Variants in IGSF11 observed in about 807,000 individuals in gnomAD.
IGSF11 encodes immunoglobulin superfamily member 11.
In IGSF11, 22 loss-of-function variants were observed where a neutral mutation model predicts 41.0. The ratio of observed to expected loss-of-function variants is 0.54; its 90% CI spans 0.38 to 0.77. The LOEUF (loss-of-function observed/expected upper bound fraction) is 0.77. Ranked by LOEUF, IGSF11 falls within the 30% of genes least tolerant of loss-of-function variation. The pLI, the probability that IGSF11 is intolerant of heterozygous loss-of-function variation, is 0.00. For synonymous variants in IGSF11, 219 were observed against 201.3 expected (o/e 1.09, Z -0.74); for missense variants, 444 against 530.8 (o/e 0.84, Z 1.61).
chr3:119,052,446 G>A (rs1042778720), intron 1 of IGSF11, among the ~76,000 whole-genome samples: 1 of 144,970 alleles, frequency 6.9e-6, no homozygotes, highest in African/African-American at 2.5e-5. Context: ...AGGGAGGGAG[G>A]GAGGAAGAGA....
intron 1 of IGSF11, among the ~76,000 whole-genome samples, chr3:119,069,211 A>T (rs1415853446): frequency 6.6e-6 from 1 of 152,136 alleles, no homozygotes; most frequent in Non-Finnish European, 1.5e-5. Flanking sequence ...TACAGGCGTG[A>T]GCCACTGTGC....
At chr3:118,946,549 C>G (rs900907202) in intron 1 of IGSF11, among the ~76,000 whole-genome samples, 61 of 152,092 alleles carry the variant, frequency 4.0e-4, no homozygotes, top group African/African-American at 1.4e-3. Flanking sequence ...TTTCACCTCC[C>G]TTACTATTCC....
Position 118,930,369 on chromosome 3 carries a change from A to G in IGSF11, c.53-94T>C, listed in dbSNP as rs1052446203. On this transcript the variant is annotated intron_variant, in intron 1 of 6. Coordinates refer to ENST00000393775, the MANE Select transcript of IGSF11 (RefSeq NM_001015887.3). ...TTTGCGTGTTTTATGTTATCACATT[A>G]TTATTGATTATGTGAACAGACTGAC... The G allele has an allele frequency of 4.1e-6, 5 of 1,210,528 alleles. No homozygotes were observed. The Admixed American group carries it at 1.0e-4, about 24-fold the overall frequency. The allele number at this position is 1,210,528 out of a possible 1,614,324, so 75.0% of individuals were successfully genotyped here. A position where few individuals can be genotyped will look rare whatever the true frequency, so the allele number is the denominator to read the frequency against.
intron 1 of IGSF11, among the ~76,000 whole-genome samples, chr3:119,023,861 TTCA>T (rs1939560533): frequency 6.6e-6 from 1 of 152,200 alleles, no homozygotes; most frequent in Non-Finnish European, 1.5e-5. Flanking sequence ...GTTCATGGTC[TTCA>T]TCATCATCAG....
At chr3:119,133,886 C>A (rs925524326) in intron 1 of IGSF11, among the ~76,000 whole-genome samples, 1 of 152,170 alleles carries the variant, frequency 6.6e-6, no homozygotes. Context: ...ATCAAGTTGG[C>A]TTCACCCCTG....
intron 1 of IGSF11, among the ~76,000 whole-genome samples, chr3:119,020,839 T>C (rs540698318): frequency 6.6e-6 from 1 of 152,314 alleles, no homozygotes; most frequent in Admixed American, 6.5e-5. Flanking sequence ...TGACAGTAAG[T>C]ATTCCACAAT....
intron 1 of IGSF11, among the ~76,000 whole-genome samples, chr3:119,064,221 A>T (rs910730950): frequency 3.3e-5 from 5 of 152,230 alleles, no homozygotes; most frequent in Admixed American, 6.5e-5. Context: ...TCTGCAGTCC[A>T]TATGGATTTA....
chr3:118,912,439 C>G (rs963460733), intron 4 of IGSF11, among the ~76,000 whole-genome samples: 1 of 152,164 alleles, frequency 6.6e-6, no homozygotes, highest in Non-Finnish European at 1.5e-5. Flanking sequence ...TCAATTGCTG[C>G]AGGACAAATC....
intron 1 of IGSF11, among the ~76,000 whole-genome samples, chr3:119,087,878 C>T (rs1461573699): frequency 6.6e-6 from 1 of 152,072 alleles, no homozygotes; most frequent in East Asian, 1.9e-4. Context: ...GATGCCTTAA[C>T]TATGCTAAAT....
intron 1 of IGSF11, among the ~76,000 whole-genome samples, chr3:118,966,595 C>G (rs1445003836): frequency 1.3e-5 from 2 of 152,150 alleles, no homozygotes; most frequent in Non-Finnish European, 2.9e-5. Flanking sequence ...ACTTTCACCT[C>G]CATATTATGT....
intron 4 of IGSF11, among the ~76,000 whole-genome samples, chr3:118,919,383 A>T (rs1313965096): frequency 1.8e-5 from 2 of 111,762 alleles, no homozygotes; most frequent in African/African-American, 8.0e-5. Flanking sequence ...TAATATCCAG[A>T]ATCTACAATG....
chr3:118,985,382 A>T, intron 1 of IGSF11, among the ~76,000 whole-genome samples: 1 of 152,158 alleles, frequency 6.6e-6, no homozygotes, highest in Non-Finnish European at 1.5e-5. Context: ...TGTCTCTGTC[A>T]CAATGCAAAG....
intron 1 of IGSF11, among the ~76,000 whole-genome samples, chr3:118,987,341 C>T (rs1323536538): frequency 6.6e-6 from 1 of 152,178 alleles, no homozygotes; most frequent in Non-Finnish European, 1.5e-5. Flanking sequence ...GCCTCTCACA[C>T]GACACCCACA....
At chr3:119,013,357 A>G (rs1938346949) in intron 1 of IGSF11, 1 of 152,254 alleles carries the variant, frequency 6.6e-6, no homozygotes, top group Admixed American at 6.5e-5. Flanking sequence ...GATTCCTCAC[A>G]AAACTCACAC....
intron 4 of IGSF11, among the ~76,000 whole-genome samples, chr3:118,905,972 T>A (rs948979737): frequency 2.4e-4 from 37 of 152,308 alleles, no homozygotes; most frequent in Middle Eastern, 6.8e-3. Context: ...GGTAAGCATG[T>A]AAAGTCCTAA....
intron 1 of IGSF11, among the ~76,000 whole-genome samples, chr3:119,055,567 C>T (rs1462872384): frequency 2.6e-5 from 4 of 152,130 alleles, no homozygotes; most frequent in African/African-American, 7.2e-5. Flanking sequence ...AACAACGAGA[C>T]AGAAAGTTAA....
chr3:119,004,036 T>C (rs1295562797), intron 1 of IGSF11, among the ~76,000 whole-genome samples: 1 of 152,028 alleles, frequency 6.6e-6, no homozygotes, highest in Non-Finnish European at 1.5e-5. Flanking sequence ...TCAGAAGGAA[T>C]GGTACCAGTT....
chr3:119,015,446 T>C (rs1938580018), intron 1 of IGSF11, among the ~76,000 whole-genome samples: 1 of 152,190 alleles, frequency 6.6e-6, no homozygotes, highest in Non-Finnish European at 1.5e-5. Context: ...CGAACTAAAC[T>C]GAAAGGTTAT....
intron 1 of IGSF11, among the ~76,000 whole-genome samples, chr3:118,960,306 T>A (rs1448456249): frequency 1.3e-5 from 2 of 152,186 alleles, no homozygotes; most frequent in African/African-American, 2.4e-5. Flanking sequence ...GGTGAAATTT[T>A]AAAAATAACC....
Sources: gnomAD v4.1 joint callset for allele counts (sites outside exome capture counted in the v4.1 genomes callset) on GRCh38, gnomAD v4.1.1 for gene constraint, MANE v1.5 for transcripts, NCBI Gene and HGNC (gene_info 2026-07-23, HGNC 2026-07-21) for gene names.